The following FTO variants were observed in gnomAD, a reference collection of about 807,000 sequenced individuals.
FTO encodes FTO alpha-ketoglutarate dependent dioxygenase, also known as alpha-ketoglutarate-dependent dioxygenase FTO.
FTO carries 47 observed loss-of-function variants against 63.9 expected under a neutral mutation model. The ratio of observed to expected loss-of-function variants is 0.74; its 90% CI spans 0.58 to 0.94. The LOEUF is 0.94. Ranked by LOEUF, FTO falls within the 40% of genes least tolerant of loss-of-function variation. The probability of loss-of-function intolerance (pLI) is 0.00; values close to 1 mark genes in which losing one functional copy is unlikely to be tolerated. For synonymous variants in FTO, 207 were observed against 224.4 expected (o/e 0.92, Z 0.69); for missense variants, 562 against 618.1 (o/e 0.91, Z 0.96).
rs930942067 is a variant in FTO at position 53,825,716 on chromosome 16, T to C, written c.124-148T>C. 6.1e-6 allele frequency: 5 copies of C among 817,860 alleles called. No homozygotes were observed. In the African/African-American group the frequency reaches 8.5e-5, roughly 14 times the overall value. The allele number at this position is 817,860 out of a possible 1,614,324, so 50.7% of individuals were successfully genotyped here. A position where few individuals can be genotyped will look rare whatever the true frequency, so the allele number is the denominator to read the frequency against. On this transcript the variant is annotated intron_variant, in intron 2 of 8. Transcript: ENST00000471389. The stretch of plus-strand genomic sequence containing the variant: ...ATTTGTTTTATTTGGTTTTCTGTTT[T>C]GGGCTAGGAAGATGTGACTCCTATT...
intron 8 of FTO, among the ~76,000 whole-genome samples, chr16:53,984,332 T>C (rs2083615998): frequency 2.3e-5 from 3 of 132,606 alleles, no homozygotes; most frequent in African/African-American, 9.4e-5. Context: ...TTTTTTTTTT[T>C]TTTTTTTTTT....
At chr16:53,706,244 T>C (rs2151452391) in intron 1 of FTO, among the ~76,000 whole-genome samples, 1 of 152,334 alleles carries the variant, frequency 6.6e-6, no homozygotes, top group South Asian at 2.1e-4. Context: ...AAGTGTCCAA[T>C]GGCTCATGAA....
At chr16:53,794,821 G>C (rs1051053215) in intron 1 of FTO, among the ~76,000 whole-genome samples, 1 of 152,128 alleles carries the variant, frequency 6.6e-6, no homozygotes, top group Non-Finnish European at 1.5e-5. Context: ...GGTGAGCACA[G>C]GTGGAGAGAA....
At chr16:53,771,890 G>A (rs1482427529) in intron 1 of FTO, among the ~76,000 whole-genome samples, 1 of 152,066 alleles carries the variant, frequency 6.6e-6, no homozygotes, top group Non-Finnish European at 1.5e-5. Flanking sequence ...ATGATTCCAT[G>A]TACAGAATAG....
Position 53,880,766 on chromosome 16 carries a change from C to G in FTO, c.1119+779C>G, listed in dbSNP as rs2080801171. On this transcript the variant is annotated intron_variant, in intron 6 of 8. Coordinates refer to ENST00000471389, the MANE Select transcript of FTO (RefSeq NM_001080432.3). ...CTCTCACCTCTGAAAAGCCCCACCT[C>G]TTAATGCCATTGCCTCGGATGTTAG... is the stretch of plus-strand genomic sequence containing the variant. 2.0e-5 allele frequency among the ~76,000 whole-genome samples: 3 copies of G among 152,016 alleles called. No individual in the cohort carries two copies. The South Asian group carries it at 6.2e-4, about 32-fold the overall frequency.
chr16:53,943,775 C>T (rs1372246385), intron 8 of FTO, among the ~76,000 whole-genome samples: 2 of 152,186 alleles, frequency 1.3e-5, no homozygotes, highest in African/African-American at 4.8e-5. Context: ...AAAGTAATCA[C>T]TTGTTATAAA....
At chr16:53,890,844 T>A (rs1016513186) in intron 7 of FTO, among the ~76,000 whole-genome samples, 2 of 152,230 alleles carry the variant, frequency 1.3e-5, no homozygotes, top group Admixed American at 6.5e-5. Context: ...CCCCCTACTG[T>A]GTAATTCTGA....
intron 8 of FTO, among the ~76,000 whole-genome samples, chr16:54,049,918 A>T (rs2085274542): frequency 6.6e-6 from 1 of 152,220 alleles, no homozygotes; most frequent in South Asian, 2.1e-4. Flanking sequence ...TGGCAAACGG[A>T]TCCACGTCTG....
intron 8 of FTO, among the ~76,000 whole-genome samples, chr16:54,053,097 G>A (rs1484671046): frequency 2.0e-5 from 3 of 152,194 alleles, no homozygotes; most frequent in Non-Finnish European, 2.9e-5. Flanking sequence ...ATATTTTGCT[G>A]TAGCAGATTT....
chr16:53,907,239 TAGATTAGCCTAG>T (rs1375104557), intron 7 of FTO, among the ~76,000 whole-genome samples: 1 of 152,202 alleles, frequency 6.6e-6, no homozygotes, highest in Non-Finnish European at 1.5e-5. Flanking sequence ...CCCAACATCA[TAGATTAGCCTAG>T]AGTGACTTAA....
chr16:53,912,312 T>A (rs146489444), intron 7 of FTO, among the ~76,000 whole-genome samples: 58 of 152,326 alleles, frequency 3.8e-4, no homozygotes, highest in African/African-American at 1.4e-3. Flanking sequence ...CCTCTGCTAA[T>A]CACTTGCTGG....
intron 8 of FTO, among the ~76,000 whole-genome samples, chr16:54,014,673 G>A (rs535241810): frequency 2.0e-5 from 3 of 152,220 alleles, no homozygotes; most frequent in Non-Finnish European, 2.9e-5. Context: ...TTTTGCATAT[G>A]TGAGAATTTT....
intron 1 of FTO, among the ~76,000 whole-genome samples, chr16:53,717,476 C>T (rs561886944): frequency 5.3e-5 from 8 of 151,792 alleles, no homozygotes; most frequent in Non-Finnish European, 7.4e-5. Flanking sequence ...CTAACGTGTT[C>T]GTCTTTTCTT....
At chr16:54,002,450 C>T (rs2084091155) in intron 8 of FTO, among the ~76,000 whole-genome samples, 2 of 152,228 alleles carry the variant, frequency 1.3e-5, no homozygotes, top group South Asian at 4.1e-4. Context: ...GGTAACTCCA[C>T]TTTCTGTTCA....
chr16:53,929,514 G>A (rs1423198309), intron 7 of FTO, among the ~76,000 whole-genome samples: 1 of 152,188 alleles, frequency 6.6e-6, no homozygotes, highest in East Asian at 1.9e-4. Context: ...TTGTGTACAT[G>A]TTTTTGTTTG....
At chr16:53,971,421 A>G (rs528198411) in intron 8 of FTO, among the ~76,000 whole-genome samples, 27 of 152,318 alleles carry the variant, frequency 1.8e-4, no homozygotes, top group African/African-American at 6.3e-4. Context: ...TTGAAGCATT[A>G]TTATATTTTT....
chr16:53,776,195 C>G (rs747488866), intron 1 of FTO, among the ~76,000 whole-genome samples: 7 of 152,180 alleles, frequency 4.6e-5, no homozygotes, highest in Admixed American at 4.6e-4. Context: ...TCCTTATCCC[C>G]GTTTGCCAGG....
chr16:54,006,402 G>T lies in FTO; in HGVS notation c.1364+72293G>T, dbSNP rs569872505. Among the ~76,000 whole-genome samples, 12 of 152,308 alleles carry T rather than the reference G, an allele frequency of 7.9e-5. No homozygotes were observed. The South Asian group carries it at 2.5e-3, about 32-fold the overall frequency. On this transcript the variant is annotated intron_variant, in intron 8 of 8. Coordinates refer to ENST00000471389, the MANE Select transcript of FTO (RefSeq NM_001080432.3). ...TCCTTTTCGGATGGTAGTTCAAGCA[G>T]TCTTTAATCATATTTTTGTTGATTA...
chr16:53,880,879 G>A (rs889302282), intron 6 of FTO, among the ~76,000 whole-genome samples: 3 of 148,102 alleles, frequency 2.0e-5, no homozygotes, highest in South Asian at 2.1e-4. Context: ...TGAGGCAGGC[G>A]GATCACGATC....
Sources: allele counts gnomAD v4.1 joint callset (sites outside exome capture counted in the v4.1 genomes callset), GRCh38; gene constraint gnomAD v4.1.1; transcripts MANE v1.5; gene names NCBI Gene and HGNC (gene_info 2026-07-23, HGNC 2026-07-21).